CIP2A: variants seen among roughly 807,000 people sequenced by gnomAD.
CIP2A encodes protein CIP2A.
CIP2A carries 103 observed loss-of-function variants against 110.9 expected under a neutral mutation model. That is an observed-to-expected ratio of 0.93 (90% CI 0.79 to 1.09). CIP2A has a LOEUF of 1.09. Among genes scored for constraint, CIP2A ranks in the 50% least tolerant of loss-of-function variants. CIP2A has a pLI of 0.00. For synonymous variants in CIP2A, 381 were observed against 361.6 expected (o/e 1.05, Z -0.61); for missense variants, 1,088 against 1,038.4 (o/e 1.05, Z -0.66).
At chr3:108,588,921 C>T (rs1032689811) in intron 1 of CIP2A, among the ~76,000 whole-genome samples, 2 of 152,144 alleles carry the variant, frequency 1.3e-5, no homozygotes, top group Non-Finnish European at 2.9e-5. Context: ...CATGACTTTC[C>T]GTCACTGAGA....
rs1186446107 is a variant in CIP2A, at chr3:108,551,139, G to A, written c.*10C>T. On this transcript the variant is annotated 3_prime_UTR_variant, in exon 21 of 21. Coordinates refer to ENST00000295746, the MANE Select transcript of CIP2A (RefSeq NM_020890.3). ...ATCATGAGATTACAAATTCCAAAAT[G>A]CCATAATGTCTATATACTGAGATTC... 3.3e-6 allele frequency: 4 copies of A among 1,196,600 alleles called. No homozygotes were observed. Among genetic ancestry groups the A allele is most frequent in the East Asian group, 6.1e-5 (1 of 16,462 alleles). The allele number at this position is 1,196,600 out of a possible 1,614,324, so 74.1% of individuals were successfully genotyped here.
In CIP2A at chr3:108,579,432, G is replaced by A; in HGVS notation, c.673-6C>T. 6.3e-7 allele frequency: 1 copy of A among 1,595,542 alleles called. No homozygotes were observed. The highest frequency in any genetic ancestry group is 8.5e-7 in the Non-Finnish European group (1 of 1,171,056). On this transcript the variant is annotated splice_region_variant and splice_polypyrimidine_tract_variant and intron_variant, in intron 6 of 20. Coordinates refer to ENST00000295746, the MANE Select transcript of CIP2A (RefSeq NM_020890.3). ...ATGTTTCGAGCATGGAATAGCTTAAGGACAAATTAGAAAAAGCATATTAGA... is the reference window on the plus strand; with the variant it reads ...ATGTTTCGAGCATGGAATAGCTTAAAGACAAATTAGAAAAAGCATATTAGA...
intron 16 of CIP2A, among the ~76,000 whole-genome samples, chr3:108,559,441 C>T (rs1278043875): frequency 6.6e-6 from 1 of 152,054 alleles, no homozygotes; most frequent in African/African-American, 2.4e-5. Flanking sequence ...AAATTAGGAA[C>T]ATTACTATTT....
chr3:108,576,413 C>A, intron 7 of CIP2A, 67 bp from the exon 8 acceptor site: 1 of 822,186 alleles, frequency 1.2e-6, no homozygotes, highest in Non-Finnish European at 1.9e-6. Flanking sequence ...AGGGATTTAT[C>A]TACAAGATAA....
intron 12 of CIP2A, 38 bp from the exon 13 acceptor site, chr3:108,563,282 G>A: frequency 8.2e-7 from 1 of 1,213,396 alleles, no homozygotes. Flanking sequence ...GCAGCAGAAA[G>A]AATAAACAAT....
rs2969902 is a variant in CIP2A, at chr3:108,572,517, A to G, written c.895-2910T>C. The stretch of plus-strand genomic sequence containing the variant: ...GCTGTGGGTTTGTTTCTGCTCCATT[A>G]TGTTCCACTGGGCTGTCTATCATTA... On this transcript the variant is annotated intron_variant, in intron 8 of 20. Coordinates refer to ENST00000295746, the MANE Select transcript of CIP2A (RefSeq NM_020890.3). Among the ~76,000 whole-genome samples the G allele has an allele frequency of 2.0e-3, 305 of 151,752 alleles. 1 individual carries two copies. Among genetic ancestry groups the G allele is most frequent in the Middle Eastern group, 0.01 (3 of 294 alleles).
In CIP2A at chr3:108,557,419, A is replaced by G; in HGVS notation, c.2014-5T>C. The G allele has an allele frequency of 6.8e-7, 1 of 1,481,252 alleles. No homozygotes were observed. The highest frequency in any genetic ancestry group is 1.3e-5 in the South Asian group (1 of 77,574). 91.8% of individuals were successfully genotyped at this position (1,481,252 alleles called of 1,614,324 possible). The stretch of plus-strand genomic sequence containing the variant: ...CATACTAGCAAGTGTCCGTGCCTCA[A>G]AAAAAAAAAGAAGATAGACTTTACC... On this transcript the variant is annotated splice_region_variant and splice_polypyrimidine_tract_variant and intron_variant, in intron 16 of 20. Coordinates refer to ENST00000295746, the MANE Select transcript of CIP2A (RefSeq NM_020890.3).
intron 19 of CIP2A, among the ~76,000 whole-genome samples, chr3:108,553,079 AAAATT>A (rs1280937049): frequency 1.3e-5 from 2 of 151,936 alleles, no homozygotes; most frequent in Non-Finnish European, 2.9e-5. Context: ...AAATAATAAA[AAAATT>A]AAATTAAATT....
chr3:108,552,267 T>G lies in CIP2A; in HGVS notation c.2514A>C (p.Arg838Ser), dbSNP rs748368423. The G allele has an allele frequency of 6.3e-7, 1 of 1,578,390 alleles. No homozygotes were observed. Among genetic ancestry groups the G allele is most frequent in the African/African-American group, 1.4e-5 (1 of 72,808 alleles). The part of the protein sequence containing the change: ...TIDILRKELS[R>S]TEQIRKELSI... Reference sequence around the variant, plus strand: ...TCAACTCTTTTCTTATCTGTTCTGTTCTGCTTAATTCTTTTCTAAGGATAT... The same window carrying G: ...TCAACTCTTTTCTTATCTGTTCTGTGCTGCTTAATTCTTTTCTAAGGATAT... The change falls in exon 20 of 21, where the codon AGA becomes AGC. Residue 838 changes from arginine (R) to serine (S), a missense_variant. By Grantham distance (110) the Arg-to-Ser change is moderately radical (BLOSUM62 -1). Transcript: ENST00000295746.
intron 2 of CIP2A, 35 bp from the exon 3 acceptor site, chr3:108,583,118 T>A (rs754526175): frequency 3.0e-5 from 36 of 1,211,772 alleles, no homozygotes; most frequent in Non-Finnish European, 4.2e-5. Context: ...AATATATCAT[T>A]TTCTTACAAG....
At chr3:108,571,234 A>G (rs1450348647) in intron 8 of CIP2A, among the ~76,000 whole-genome samples, 1 of 152,186 alleles carries the variant, frequency 6.6e-6, no homozygotes, top group Non-Finnish European at 1.5e-5. Flanking sequence ...ACTCTAAAAT[A>G]ACAAAGAATA....
intron 20 of CIP2A, among the ~76,000 whole-genome samples, chr3:108,551,625 A>C (rs1317506465): frequency 6.6e-6 from 1 of 152,126 alleles, no homozygotes; most frequent in African/African-American, 2.4e-5. Context: ...ATCACATTAA[A>C]GCAGAACCAG....
At position 108,569,471 on chromosome 3, in the gene CIP2A, A is replaced by G; in HGVS notation, c.1031T>C (p.Leu344Pro). The G allele has an allele frequency of 6.2e-7, 1 of 1,612,838 alleles. No homozygotes were observed. Among genetic ancestry groups the G allele is most frequent in the East Asian group, 2.2e-5 (1 of 44,814 alleles). Residue 344 changes from leucine to proline, a missense_variant, in exon 9 of 21, where the codon CTA (leucine) becomes CCA (proline). Transcript: ENST00000295746. ...CAAAGGTTGGCTTAACCAGCGCAGT[A>G]GAGCCACAGTAGGTTCTAAACATTT... Reference protein sequence around the residue: ...HTKCLEPTVALLRWLSQPLDG... With the variant: ...HTKCLEPTVAPLRWLSQPLDG...
At chr3:108,580,104 T>C (rs1198451272) in intron 5 of CIP2A, among the ~76,000 whole-genome samples, 1 of 152,202 alleles carries the variant, frequency 6.6e-6, no homozygotes, top group Non-Finnish European at 1.5e-5. Context: ...TTGTTAGCAT[T>C]TGTGTTAACA....
At chr3:108,555,389 A>C (rs1937759994) in intron 17 of CIP2A, among the ~76,000 whole-genome samples, 1 of 152,186 alleles carries the variant, frequency 6.6e-6, no homozygotes, top group South Asian at 2.1e-4. Context: ...GTAACTTGTT[A>C]AACAGGAAGG....
intron 2 of CIP2A, 180 bp downstream of exon 2, chr3:108,584,885 A>G: frequency 2.1e-5 from 10 of 472,794 alleles, no homozygotes; most frequent in Non-Finnish European, 3.7e-6. Flanking sequence ...CTATTACAGA[A>G]GGATCATTCT....
rs149154564 is a variant in CIP2A at position 108,588,020 on chromosome 3, C to T, written c.102+1254G>A. On this transcript the variant is annotated intron_variant, in intron 1 of 20. Coordinates refer to ENST00000295746, the MANE Select transcript of CIP2A (RefSeq NM_020890.3). ...CTCAAACTCCCGACCTCAGGTGATC[C>T]GCTCGCCTCGGCCTCCCAAAGTGCT... is the stretch of plus-strand genomic sequence containing the variant. 8.4e-3 allele frequency among the ~76,000 whole-genome samples: 1,273 copies of T among 152,198 alleles called. 18 individuals are homozygous for T. The highest frequency in any genetic ancestry group is 0.029 in the African/African-American group (1,219 of 41,516).
At position 108,582,348 on chromosome 3, in the gene CIP2A, C is replaced by T. The variant is rs145112628; in HGVS notation, c.358-146G>A. 3.7e-3 allele frequency: 1,542 copies of T among 416,288 alleles called. 20 individuals are homozygous for T. The highest frequency in any genetic ancestry group is 0.029 in the African/African-American group (1,430 of 48,548). The allele number at this position is 416,288 out of a possible 1,614,324, so 25.8% of individuals were successfully genotyped here. A position where few individuals can be genotyped will look rare whatever the true frequency, so the allele number is the denominator to read the frequency against. On this transcript the variant is annotated intron_variant, in intron 3 of 20. Transcript: ENST00000295746. ...AAACACATGTAAAGTAATGTAAGAA[C>T]CTTAGGGCTCTTCTCTCAATTCACA... is the stretch of plus-strand genomic sequence containing the variant.
chr3:108,561,001 T>A (rs1024738481), intron 13 of CIP2A, among the ~76,000 whole-genome samples, 160 bp from the exon 14 acceptor site: 1 of 152,156 alleles, frequency 6.6e-6, no homozygotes, highest in Non-Finnish European at 1.5e-5. Context: ...TTGGGAAATA[T>A]TCTGAATTTT....
Sources: gnomAD v4.1 joint callset for allele counts (sites outside exome capture counted in the v4.1 genomes callset) on GRCh38, gnomAD v4.1.1 for gene constraint, MANE v1.5 for transcripts, NCBI Gene and HGNC (gene_info 2026-07-23, HGNC 2026-07-21) for gene names.